The following ZNF367 variants were observed in gnomAD, a reference collection of about 807,000 sequenced individuals.
ZNF367 encodes C2H2 zinc finger protein ZFF29.
ZNF367 carries 11 observed loss-of-function variants against 31.8 expected under a neutral mutation model. The observed-to-expected ratio is 0.35, with a 90% CI of 0.22 to 0.57. The LOEUF (loss-of-function observed/expected upper bound fraction) is 0.57. Ranked by LOEUF, ZNF367 falls within the 20% of genes least tolerant of loss-of-function variation. The pLI is 0.85. For missense variants in ZNF367, 353 were observed against 484.1 expected, an observed-to-expected ratio of 0.73 and a Z score of 2.54; for synonymous variants, 199 against 202.4, an observed-to-expected ratio of 0.98 and a Z score of 0.14.
chr9:96,417,496 C>T lies in ZNF367; in HGVS notation c.420+117G>A, dbSNP rs935382600. ...GCAGTGACGTCAGCATCCTGTCAGC[C>T]GCAGCCCCCGCCGTAGCCGGATCGA... On this transcript the variant is annotated intron_variant, in intron 1 of 4. Transcript: ENST00000375256. This position sits in a 1 kb window ranked among gnomAD's most constrained non-coding sequence, Gnocchi z 5.0. 1 of 257,420 alleles carries T rather than the reference C, an allele frequency of 3.9e-6. No individual in the cohort carries two copies. 15.9% of individuals were successfully genotyped at this position (257,420 alleles called of 1,614,324 possible).
At chr9:96,405,495 A>T (rs1564143259) in intron 1 of ZNF367, among the ~76,000 whole-genome samples, 1 of 152,134 alleles carries the variant, frequency 6.6e-6, no homozygotes, top group Non-Finnish European at 1.5e-5. Flanking sequence ...ACCATCATAT[A>T]CTACTGATGA....
intron 1 of ZNF367, among the ~76,000 whole-genome samples, chr9:96,404,914 C>CA (rs202043032): frequency 0.023 from 3,444 of 152,016 alleles, 137 homozygotes; most frequent in African/African-American, 0.08. Flanking sequence ...TCAACAACAA[C>CA]AAAAAACACA....
chr9:96,415,865 C>G (rs1831820668), intron 1 of ZNF367, among the ~76,000 whole-genome samples: 1 of 151,954 alleles, frequency 6.6e-6, no homozygotes, highest in Non-Finnish European at 1.5e-5. Flanking sequence ...TGCAGTGGTG[C>G]TATCATGTCT....
Position 96,418,018 on chromosome 9 carries a change from G to A in ZNF367, c.15C>T (p.Phe5=), listed in dbSNP as rs1306198585. 9.4e-6 allele frequency: 13 copies of A among 1,382,766 alleles called. No individual in the cohort carries two copies. The highest frequency in any genetic ancestry group is 1.2e-5 in the Non-Finnish European group (13 of 1,075,412). The allele number at this position is 1,382,766 out of a possible 1,614,324, so 85.7% of individuals were successfully genotyped here. ...GCGGGTTCTCCGCCATGGGCGCCTCGAAGCCCCGGATCATCGCCCGGCCCG... is the reference window on the plus strand; with the variant it reads ...GCGGGTTCTCCGCCATGGGCGCCTCAAAGCCCCGGATCATCGCCCGGCCCG... The part of the protein sequence containing the change: MIRG[F]EAPMAENPPP... Residue 5 remains phenylalanine, a synonymous_variant, in exon 1 of 5, where the codon TTC becomes TTT. Transcript: ENST00000375256.
chr9:96,417,881 T>A lies in ZNF367; in HGVS notation c.152A>T (p.Glu51Val), dbSNP rs766261185. ...KPTCGGGGEP[E>V]PPPPLIPTSP... ...GGTGGGGATGAGCGGCGGCGGCGGCTCCGGCTCCCCTCCACCGCCGCACGT... is the reference window on the plus strand; with the variant it reads ...GGTGGGGATGAGCGGCGGCGGCGGCACCGGCTCCCCTCCACCGCCGCACGT... The change falls in exon 1 of 5, where the codon GAG becomes GTG. Residue 51 changes from glutamate (E) to valine (V), a missense_variant. By Grantham distance (121) the Glu-to-Val change is moderately radical. This residue lies in a region of ZNF367 where 94 missense variants were observed against 86.7 expected (regional missense o/e 1.08). Transcript: ENST00000375256. This position sits in a 1 kb window ranked among gnomAD's most constrained non-coding sequence, Gnocchi z 5.0. 1.3e-6 allele frequency: 2 copies of A among 1,510,250 alleles called. No homozygotes were observed. The highest frequency in any genetic ancestry group is 2.5e-5 in the South Asian group (2 of 81,008). 93.6% of individuals were successfully genotyped at this position (1,510,250 alleles called of 1,614,324 possible). A position where few individuals can be genotyped will look rare whatever the true frequency, so the allele number is the denominator to read the frequency against.
chr9:96,408,554 A>G (rs1002128207), intron 1 of ZNF367, among the ~76,000 whole-genome samples: 9 of 152,198 alleles, frequency 5.9e-5, no homozygotes, highest in African/African-American at 1.7e-4. Context: ...AATTTTACCT[A>G]TATGAGGTAT....
chr9:96,414,698 G>C (rs980360946), intron 1 of ZNF367, among the ~76,000 whole-genome samples: 1 of 152,046 alleles, frequency 6.6e-6, no homozygotes, highest in Non-Finnish European at 1.5e-5. Context: ...GGATGGTCTC[G>C]ATCTCTTGAC....
rs537515078 is a variant in ZNF367, at chr9:96,415,608, C to A, written c.420+2005G>T. Among the ~76,000 whole-genome samples the A allele has an allele frequency of 6.8e-5, 10 of 147,148 alleles. No homozygotes were observed. The South Asian group carries it at 2.2e-3, about 32-fold the overall frequency. ...CGCCTCCCGAGTTCTACCAATTCTC[C>A]TGCCTTAGCCTCCCAAGTAGCTGGG... is the stretch of plus-strand genomic sequence containing the variant. On this transcript the variant is annotated intron_variant, in intron 1 of 4. Transcript: ENST00000375256.
rs905636370 is a variant in ZNF367, at chr9:96,398,025, G to A, written c.571+139C>T. On this transcript the variant is annotated intron_variant, in intron 2 of 4. Coordinates refer to ENST00000375256, the MANE Select transcript of ZNF367 (RefSeq NM_153695.4). Reference sequence around the variant, plus strand: ...GAATTGCTTGAACCCAGGAGGCGGAGCTTGCAGTAAGCCAAGATCGCGCCA... The same window carrying A: ...GAATTGCTTGAACCCAGGAGGCGGAACTTGCAGTAAGCCAAGATCGCGCCA... 6 of 756,032 alleles carry A rather than the reference G, an allele frequency of 7.9e-6. No individual in the cohort carries two copies. The African/African-American group carries it at 1.1e-4, about 14-fold the overall frequency. The allele number at this position is 756,032 out of a possible 1,614,324, so 46.8% of individuals were successfully genotyped here.
At chr9:96,407,688 AG>A in intron 1 of ZNF367, 1 of 1,412,510 alleles carries the variant, frequency 7.1e-7, no homozygotes, top group Middle Eastern at 1.8e-4. Context: ...AAGTATTAAA[AG>A]TTATTCGAAC....
chr9:96,389,977 C>T (rs908867343), intron 4 of ZNF367, among the ~76,000 whole-genome samples: 5 of 149,242 alleles, frequency 3.4e-5, no homozygotes, highest in Non-Finnish European at 7.4e-5. Flanking sequence ...GGGATTTTAC[C>T]ATGTTGACCA....
chr9:96,412,524 G>T (rs1831763747), intron 1 of ZNF367, among the ~76,000 whole-genome samples: 1 of 152,098 alleles, frequency 6.6e-6, no homozygotes, highest in Admixed American at 6.6e-5. Context: ...AACTTCCCAT[G>T]ACTTGCATAC....
At chr9:96,405,504 G>A (rs568336793) in intron 1 of ZNF367, among the ~76,000 whole-genome samples, 1 of 152,022 alleles carries the variant, frequency 6.6e-6, no homozygotes, top group Non-Finnish European at 1.5e-5. Flanking sequence ...TACTACTGAT[G>A]AGAATGTAAA....
chr9:96,401,697 G>A (rs974905482), intron 1 of ZNF367, among the ~76,000 whole-genome samples: 27 of 149,836 alleles, frequency 1.8e-4, no homozygotes, highest in East Asian at 2.0e-4. Context: ...GTGTAGTGGC[G>A]CACACTTGTA....
chr9:96,415,729 C>T (rs1278914464), intron 1 of ZNF367, among the ~76,000 whole-genome samples: 16 of 151,380 alleles, frequency 1.1e-4, no homozygotes, highest in Non-Finnish European at 2.4e-4. Flanking sequence ...AACTCCTGGA[C>T]CTCAGGTGAT....
intron 3 of ZNF367, among the ~76,000 whole-genome samples, chr9:96,394,271 G>A (rs537082190): frequency 6.6e-6 from 1 of 152,152 alleles, no homozygotes; most frequent in South Asian, 2.1e-4. Flanking sequence ...CTTATTTGTG[G>A]GATCTAAATA....
At chr9:96,405,794 T>C (rs1315477371) in intron 1 of ZNF367, among the ~76,000 whole-genome samples, 1 of 152,146 alleles carries the variant, frequency 6.6e-6, no homozygotes, top group Non-Finnish European at 1.5e-5. Flanking sequence ...CTGCATGTAG[T>C]AGGGAACAGG....
chr9:96,414,445 C>G (rs978882412), intron 1 of ZNF367, among the ~76,000 whole-genome samples: 3 of 152,138 alleles, frequency 2.0e-5, no homozygotes, highest in Non-Finnish European at 4.4e-5. Flanking sequence ...AAGAGGTGTA[C>G]AGCATGGAAA....
chr9:96,400,636 T>G (rs1000990935), intron 1 of ZNF367, among the ~76,000 whole-genome samples: 3 of 151,658 alleles, frequency 2.0e-5, no homozygotes, highest in African/African-American at 7.3e-5. Context: ...GTCAGTTGAA[T>G]TTATCCAGTC....
Sources: gnomAD v4.1 joint callset for allele counts (sites outside exome capture counted in the v4.1 genomes callset) on GRCh38, gnomAD v4.1.1 for gene constraint, gnomAD v4.1.1 regional missense constraint, Gnocchi (gnomAD v3.1) non-coding constraint, MANE v1.5 for transcripts, NCBI Gene and HGNC (gene_info 2026-07-23, HGNC 2026-07-21) for gene names.